Variants in RAB7A observed in about 807,000 individuals in gnomAD.
The protein encoded by RAB7A is RAB7A, member RAS oncogene family.
Under a neutral mutation model 24.5 loss-of-function variants are expected in RAB7A, and 2 were observed. That is an observed-to-expected ratio of 0.08 (90% CI 0.03 to 0.26). RAB7A has a LOEUF of 0.26. Ranked by LOEUF, RAB7A falls within the 10% of genes least tolerant of loss-of-function variation. The probability of loss-of-function intolerance (pLI) is 1.00; values close to 1 mark genes in which losing one functional copy is unlikely to be tolerated. For missense variants in RAB7A, 118 were observed against 255.7 expected, an observed-to-expected ratio of 0.46 and a Z score of 3.67; for synonymous variants, 100 against 95.9, an observed-to-expected ratio of 1.04 and a Z score of -0.25.
intron 5 of RAB7A, among the ~76,000 whole-genome samples, chr3:128,808,958 GT>G (rs1358773151): frequency 7.2e-5 from 11 of 152,304 alleles, no homozygotes; most frequent in Non-Finnish European, 1.5e-4. Context: ...TGAGGAAATT[GT>G]TCCACCCAGA....
At chr3:128,804,797 A>G (rs562707512) in intron 3 of RAB7A, among the ~76,000 whole-genome samples, 2 of 152,340 alleles carry the variant, frequency 1.3e-5, no homozygotes, top group East Asian at 3.9e-4. Context: ...AAAGCTCTCT[A>G]TGCTAATGTT....
Position 128,813,534 on chromosome 3 carries a change from C to A in RAB7A, c.*112C>A. 2 of 1,030,266 alleles carry A rather than the reference C, an allele frequency of 1.9e-6. No individual in the cohort carries two copies. The highest frequency in any genetic ancestry group is 3.0e-6 in the Non-Finnish European group (2 of 668,274). 63.8% of individuals were successfully genotyped at this position (1,030,266 alleles called of 1,614,324 possible). On this transcript the variant is annotated 3_prime_UTR_variant, in exon 6 of 6. Transcript: ENST00000265062. ...CAAAACATACATTGATCTCTCACATCCAGCTGCCAAAAGAAAACCCCATCA... is the reference window on the plus strand; with the variant it reads ...CAAAACATACATTGATCTCTCACATACAGCTGCCAAAAGAAAACCCCATCA...
chr3:128,772,944 C>T, intron 1 of RAB7A, among the ~76,000 whole-genome samples: 1 of 152,234 alleles, frequency 6.6e-6, no homozygotes, highest in Non-Finnish European at 1.5e-5. Flanking sequence ...TCGCTACAAC[C>T]TCCACCTCCC....
At chr3:128,775,791 A>G (rs1474631928) in intron 1 of RAB7A, among the ~76,000 whole-genome samples, 2 of 152,180 alleles carry the variant, frequency 1.3e-5, no homozygotes, top group African/African-American at 2.4e-5. Context: ...TAAAAATGGT[A>G]TATGTTTGTG....
chr3:128,777,367 C>A (rs1283509186), intron 1 of RAB7A, among the ~76,000 whole-genome samples: 2 of 151,902 alleles, frequency 1.3e-5, no homozygotes, highest in Non-Finnish European at 2.9e-5. Context: ...CTAAGGTTTT[C>A]TTTCTTTTGT....
chr3:128,763,208 A>ATATATATATATATATT (rs373993932), intron 1 of RAB7A, among the ~76,000 whole-genome samples: 9 of 76,056 alleles, frequency 1.2e-4, no homozygotes, highest in African/African-American at 7.3e-4. Flanking sequence ...ATATATATAT[A>ATATATATATATATATT]TTTTTTTTTT....
intron 1 of RAB7A, among the ~76,000 whole-genome samples, chr3:128,753,627 C>G (rs78675391): frequency 0.041 from 6,315 of 152,226 alleles, 179 homozygotes; most frequent in Non-Finnish European, 0.058. Context: ...AATCAAGGCT[C>G]CAGCAGATAC....
chr3:128,757,371 T>G (rs1446109042), intron 1 of RAB7A, among the ~76,000 whole-genome samples: 1 of 152,136 alleles, frequency 6.6e-6, no homozygotes, highest in African/African-American at 2.4e-5. Flanking sequence ...TTTGAGCCAC[T>G]GATGGTGCAG....
chr3:128,733,719 T>C (rs909516366), intron 1 of RAB7A, among the ~76,000 whole-genome samples: 3 of 152,218 alleles, frequency 2.0e-5, no homozygotes, highest in Non-Finnish European at 2.9e-5. Flanking sequence ...CCCACCCTTA[T>C]GACCTCACTT....
chr3:128,726,664 C>T (rs1340288310), intron 1 of RAB7A, among the ~76,000 whole-genome samples: 2 of 152,220 alleles, frequency 1.3e-5, no homozygotes, highest in African/African-American at 4.8e-5. Context: ...ACTTGGGCGG[C>T]CCTGCGCCGC....
chr3:128,785,746 CAAAAAAAAAAAA>C, intron 1 of RAB7A, among the ~76,000 whole-genome samples: 1 of 86,720 alleles, frequency 1.2e-5, no homozygotes, highest in Non-Finnish European at 2.5e-5. Context: ...AAGACTGTCT[CAAAAAAAAAAAA>C]AAAAAAAATT....
intron 1 of RAB7A, among the ~76,000 whole-genome samples, chr3:128,742,629 G>T (rs189380617): frequency 1.3e-5 from 2 of 152,124 alleles, no homozygotes; most frequent in Admixed American, 6.5e-5. Context: ...GCACTGATTG[G>T]TGCATTTAGA....
chr3:128,806,647 G>T, intron 4 of RAB7A, 57 bp downstream of exon 4: 1 of 1,503,308 alleles, frequency 6.7e-7, no homozygotes, highest in Non-Finnish European at 9.2e-7. Flanking sequence ...GGGGCCTTGT[G>T]AATTTGGAGG....
intron 1 of RAB7A, among the ~76,000 whole-genome samples, chr3:128,759,033 CCT>C (rs780316109): frequency 7.7e-5 from 11 of 143,046 alleles, no homozygotes; most frequent in Non-Finnish European, 1.3e-4. Context: ...ACTTACAGCC[CCT>C]GTGTTTTACA....
chr3:128,775,541 A>G (rs1349208220), intron 1 of RAB7A, among the ~76,000 whole-genome samples: 1 of 152,074 alleles, frequency 6.6e-6, no homozygotes, highest in Non-Finnish European at 1.5e-5. Context: ...AGTTTTCTCC[A>G]TTTGTCCTGA....
chr3:128,748,947 G>C (rs1388107396), intron 1 of RAB7A: 2 of 152,178 alleles, frequency 1.3e-5, no homozygotes, highest in African/African-American at 4.8e-5. Flanking sequence ...CAGGGAGAAG[G>C]GTGGTCATAA....
chr3:128,774,713 C>T (rs1445640867), intron 1 of RAB7A, among the ~76,000 whole-genome samples: 2 of 152,232 alleles, frequency 1.3e-5, no homozygotes, highest in East Asian at 3.8e-4. Context: ...GCTGGGACCA[C>T]AGGCGCCCGC....
intron 1 of RAB7A, among the ~76,000 whole-genome samples, chr3:128,766,400 A>G (rs2070831754): frequency 6.6e-6 from 1 of 152,222 alleles, no homozygotes; most frequent in African/African-American, 2.4e-5. Context: ...GTCATGGGAA[A>G]CAGAAGACAG....
chr3:128,794,943 C>T (rs67087503), intron 1 of RAB7A, among the ~76,000 whole-genome samples: 42,997 of 151,540 alleles, frequency 0.28, 7,548 homozygotes, highest in Non-Finnish European at 0.38. Context: ...AGCAGAGTAA[C>T]GGGATAGAGA....
Sources: gnomAD v4.1 joint callset for allele counts (sites outside exome capture counted in the v4.1 genomes callset) on GRCh38, gnomAD v4.1.1 for gene constraint, MANE v1.5 for transcripts, NCBI Gene and HGNC (gene_info 2026-07-23, HGNC 2026-07-21) for gene names.